Variants in SHANK2 observed in about 807,000 individuals in gnomAD.
SHANK2 encodes SH3 and multiple ankyrin repeat domains protein 2.
Under a neutral mutation model 133.7 loss-of-function variants are expected in SHANK2, and 43 were observed. The observed-to-expected ratio is 0.32, with a 90% CI of 0.25 to 0.41. The LOEUF is 0.41. SHANK2 is among the 10% of genes least tolerant of loss of function. The pLI, the probability that SHANK2 is intolerant of heterozygous loss-of-function variation, is 1.00. For synonymous variants in SHANK2, 1,017 were observed against 952.8 expected, an observed-to-expected ratio of 1.07 and a Z score of -1.24; for missense variants, 1,994 against 2,235.8, an observed-to-expected ratio of 0.89 and a Z score of 2.18.
intron 14 of SHANK2, among the ~76,000 whole-genome samples, chr11:70,751,854 A>T (rs1326093721): frequency 8.6e-6 from 1 of 115,752 alleles, no homozygotes; most frequent in Non-Finnish European, 2.1e-5. Flanking sequence ...TGCTTTAATA[A>T]AAAAAAAAGC....
intron 2 of SHANK2, among the ~76,000 whole-genome samples, chr11:71,189,890 C>T (rs782492142): frequency 6.6e-6 from 1 of 152,240 alleles, no homozygotes; most frequent in East Asian, 1.9e-4. Flanking sequence ...GGCTTCAAAG[C>T]CCCAGCATCT....
intron 14 of SHANK2, among the ~76,000 whole-genome samples, chr11:70,702,767 C>T (rs1163497712): frequency 6.6e-6 from 1 of 152,178 alleles, no homozygotes; most frequent in Non-Finnish European, 1.5e-5. Flanking sequence ...TTTCTTGTCC[C>T]TGGTTTACAG....
rs576981097 is a variant in SHANK2, at chr11:71,091,003, A to T, written c.912+1419T>A. On this transcript the variant is annotated intron_variant, in intron 8 of 25. Coordinates refer to ENST00000601538, the MANE Select transcript of SHANK2 (RefSeq NM_012309.5). ...ATTTAAATGTTAATCCCATCTTAAA[A>T]AACACCTTCTCAGCAACAACTAGAA... 1.6e-4 allele frequency among the ~76,000 whole-genome samples: 25 copies of T among 152,350 alleles called. 1 individual carries two copies. The East Asian group carries it at 4.0e-3, about 25-fold the overall frequency.
intron 17 of SHANK2, among the ~76,000 whole-genome samples, chr11:70,542,406 AG>A (rs1467436178): frequency 2.0e-5 from 3 of 152,158 alleles, no homozygotes; most frequent in Non-Finnish European, 4.4e-5. Context: ...GAGCTGGAGG[AG>A]GCAAGGAAGG....
intron 2 of SHANK2, among the ~76,000 whole-genome samples, chr11:71,176,322 TATA>T (rs1953443720): frequency 6.6e-6 from 1 of 152,214 alleles, no homozygotes. Flanking sequence ...ATTCATATTT[TATA>T]ATGTTTAGCA....
At position 70,684,169 on chromosome 11, in the gene SHANK2, C is replaced by T. The variant is rs186814565; in HGVS notation, c.1853+14519G>A. Among the ~76,000 whole-genome samples, 830 of 152,248 alleles carry T rather than the reference C, an allele frequency of 5.5e-3. 2 individuals are homozygous for T. Among genetic ancestry groups the T allele is most frequent in the Non-Finnish European group, 9.8e-3 (669 of 67,998 alleles). ...CCCTGCTACTCACTCTTCATATCCA[C>T]GGCCCCTCTCCCAGGGTCTTCACTG... is the stretch of plus-strand genomic sequence containing the variant. On this transcript the variant is annotated intron_variant, in intron 15 of 25. Transcript: ENST00000601538.
intron 11 of SHANK2, among the ~76,000 whole-genome samples, chr11:70,835,227 G>A (rs1009235580): frequency 1.3e-5 from 2 of 152,232 alleles, no homozygotes; most frequent in African/African-American, 4.8e-5. Context: ...GCCAAGGGGC[G>A]TGCAATGGCT....
chr11:70,514,376 C>T (rs2059240649), intron 17 of SHANK2, among the ~76,000 whole-genome samples: 2 of 152,162 alleles, frequency 1.3e-5, no homozygotes, highest in Non-Finnish European at 2.9e-5. Flanking sequence ...CACTAAAGAA[C>T]GTTCTTCAAG....
At chr11:70,602,253 T>G (rs777845716) in intron 17 of SHANK2, among the ~76,000 whole-genome samples, 1 of 152,212 alleles carries the variant, frequency 6.6e-6, no homozygotes, top group Non-Finnish European at 1.5e-5. Flanking sequence ...CCTGCAGAAC[T>G]GTGAGCCAAT....
chr11:70,548,732 G>A (rs2059727361), intron 17 of SHANK2, among the ~76,000 whole-genome samples: 1 of 152,210 alleles, frequency 6.6e-6, no homozygotes, highest in Admixed American at 6.5e-5. Flanking sequence ...CGGAGCCTGT[G>A]AGCGTGACCT....
In SHANK2 at chr11:70,820,756, G is replaced by T. The variant is rs1948501002; in HGVS notation, c.1175-74C>A. The T allele has an allele frequency of 5.0e-6, 3 of 598,424 alleles. No individual in the cohort carries two copies. In the East Asian group the frequency reaches 8.4e-5, roughly 17 times the overall value. The allele number at this position is 598,424 out of a possible 1,614,324, so 37.1% of individuals were successfully genotyped here. A position where few individuals can be genotyped will look rare whatever the true frequency, so the allele number is the denominator to read the frequency against. ...GTCAGCTGGGTGGGGACCCTAGGGA[G>T]GTGCAGGCCTGCGTGCGTCCAAGCC... On this transcript the variant is annotated intron_variant, in intron 11 of 25. Transcript: ENST00000601538.
At chr11:70,935,263 C>G (rs1319786096) in intron 10 of SHANK2, among the ~76,000 whole-genome samples, 1 of 152,132 alleles carries the variant, frequency 6.6e-6, no homozygotes, top group African/African-American at 2.4e-5. Flanking sequence ...GGAGCTCTCT[C>G]AGTTCTCAGA....
At chr11:71,170,657 C>T (rs541802989) in intron 2 of SHANK2, among the ~76,000 whole-genome samples, 163 of 152,270 alleles carry the variant, frequency 1.1e-3, no homozygotes, top group African/African-American at 3.7e-3. Flanking sequence ...TAGTAGGGAC[C>T]GGCTGGCAAG....
intron 17 of SHANK2, among the ~76,000 whole-genome samples, chr11:70,554,348 G>A (rs2059803873): frequency 6.6e-6 from 1 of 152,190 alleles, no homozygotes; most frequent in Non-Finnish European, 1.5e-5. Context: ...CTTCAGGGAG[G>A]GTTCCAGAGC....
intron 17 of SHANK2, among the ~76,000 whole-genome samples, chr11:70,577,012 C>T (rs563841234): frequency 1.2e-4 from 18 of 152,232 alleles, no homozygotes; most frequent in African/African-American, 2.2e-4. Context: ...CCCAGGAGAG[C>T]GCCCGTCCTG....
At chr11:70,683,007 G>T (rs542608924) in intron 15 of SHANK2, among the ~76,000 whole-genome samples, 3 of 152,270 alleles carry the variant, frequency 2.0e-5, no homozygotes, top group Admixed American at 6.5e-5. Flanking sequence ...GGCCGAGAGG[G>T]TTGGTGTGAC....
chr11:70,930,669 TC>T (rs144422561), intron 10 of SHANK2, among the ~76,000 whole-genome samples: 21,742 of 120,298 alleles, frequency 0.18, 3,253 homozygotes, highest in Middle Eastern at 0.26. Context: ...CTTTTTTTTT[TC>T]TTTTTTTTTT....
intron 17 of SHANK2, among the ~76,000 whole-genome samples, chr11:70,531,786 C>T (rs1277217273): frequency 6.6e-6 from 1 of 152,180 alleles, no homozygotes. Context: ...CTTCTCCACA[C>T]CTGGTCACTT....
chr11:70,704,433 T>G (rs1945614242), intron 14 of SHANK2, among the ~76,000 whole-genome samples: 1 of 152,160 alleles, frequency 6.6e-6, no homozygotes, highest in South Asian at 2.1e-4. Context: ...AGGCTGACCC[T>G]CAGGAGGCCA....
Sources: allele counts gnomAD v4.1 joint callset (sites outside exome capture counted in the v4.1 genomes callset), GRCh38; gene constraint gnomAD v4.1.1; transcripts MANE v1.5; gene names NCBI Gene and HGNC (gene_info 2026-07-23, HGNC 2026-07-21).